Variants in FAAH2 observed in about 807,000 individuals in gnomAD.
The protein encoded by FAAH2 is fatty acid amide hydrolase 2.
A neutral mutation model predicts 36.9 loss-of-function variants in FAAH2; 60 were observed. The observed-to-expected ratio is 1.63, with a 90% CI of 1.32 to 2.02. FAAH2 has a LOEUF of 2.02. FAAH2 is among the 30% of genes most tolerant of loss of function. FAAH2 has a pLI of 0.00. For missense variants in FAAH2, 689 were observed against 397.5 expected (o/e 1.73, Z -6.23); for synonymous variants, 214 against 143.8 (o/e 1.49, Z -3.49).
intron 5 of FAAH2, among the ~76,000 whole-genome samples, chrX:57,371,896 G>C (rs780988537): frequency 4.5e-5 from 5 of 111,386 alleles, no homozygotes; most frequent in Admixed American, 1.9e-4. Flanking sequence ...AAGAAGATGC[G>C]GTCTTTGGTT....
At chrX:57,155,890 T>C in the FAAH2 span, among the ~76,000 whole-genome samples, 5 of 111,740 alleles carry the variant, frequency 4.5e-5, 1 homozygote, top group Admixed American at 1.9e-4. Flanking sequence ...CTCGGCTCTA[T>C]AAATTTACTC....
chrX:57,235,806 G>T, the FAAH2 span, among the ~76,000 whole-genome samples: 1 of 112,517 alleles, frequency 8.9e-6, no homozygotes, highest in Admixed American at 9.4e-5. Flanking sequence ...AGTGTTGTTA[G>T]CATGCCCATC....
At chrX:57,470,864 G>T (rs373952005) in intron 10 of FAAH2, among the ~76,000 whole-genome samples, 3 of 111,287 alleles carry the variant, frequency 2.7e-5, no homozygotes, top group South Asian at 3.8e-4. Context: ...CTGGCAAACC[G>T]AATCCAGCAG....
rs1038574638 is a variant in FAAH2, at chrX:57,387,492, C to G, written c.996+6463C>G. ...AGTAGAATGAGGAAAACAGAGAAGA[C>G]AAACAGAAAATCCTACAAAATGCCT... On this transcript the variant is annotated intron_variant, in intron 7 of 10. Transcript: ENST00000374900. Among the ~76,000 whole-genome samples the G allele has an allele frequency of 2.7e-5, 3 of 111,093 alleles. No individual in the cohort carries two copies. The South Asian group carries it at 1.1e-3, about 42-fold the overall frequency.
intron 4 of FAAH2, among the ~76,000 whole-genome samples, chrX:57,340,518 A>G (rs1345397216): frequency 8.9e-6 from 1 of 112,174 alleles, no homozygotes; most frequent in Non-Finnish European, 1.9e-5. Flanking sequence ...ACTATTCACA[A>G]TAGCAAAGAC....
rs760521541 is a variant in FAAH2, at chrX:57,331,694, C to T, written c.509C>T (p.Pro170Leu). 8 of 1,209,474 alleles carry T rather than the reference C, an allele frequency of 6.6e-6. No individual in the cohort carries two copies. The highest frequency in any genetic ancestry group is 2.2e-5 in the Admixed American group (1 of 45,697). Residue 170 changes from proline to leucine, a missense_variant, in exon 4 of 11, where the codon CCT becomes CTT. Transcript: ENST00000374900. ...TTACTGAAGGGAGCTGGTGCCATTC[C>T]TCTTGGCATAACCAACTGTAGTGAG... ...VALLKGAGAI[P>L]LGITNCSELC...
intron 4 of FAAH2, among the ~76,000 whole-genome samples, chrX:57,336,797 A>G (rs1453534781): frequency 9.0e-6 from 1 of 111,395 alleles, no homozygotes; most frequent in Non-Finnish European, 1.9e-5. Context: ...AAAAGCTAGA[A>G]AGGTCTAAAA....
At chrX:57,407,321 TG>T (rs1346828171) in intron 7 of FAAH2, among the ~76,000 whole-genome samples, 1 of 112,017 alleles carries the variant, frequency 8.9e-6, no homozygotes, top group African/African-American at 3.2e-5. Context: ...TGAGGAATCA[TG>T]TGAGTACAAC....
intron 10 of FAAH2, among the ~76,000 whole-genome samples, chrX:57,478,916 T>C (rs1456525661): frequency 9.0e-6 from 1 of 111,701 alleles, no homozygotes; most frequent in African/African-American, 3.3e-5. Flanking sequence ...TGAAGTCAGG[T>C]AGCATGATGC....
At chrX:57,393,130 G>A (rs878988898) in intron 7 of FAAH2, 2 of 1,042,618 alleles carry the variant, frequency 1.9e-6, no homozygotes, top group South Asian at 1.9e-5. Context: ...CTCTGGAAAG[G>A]CAGCCGATGA....
chrX:57,294,487 C>T (rs2052075008), intron 2 of FAAH2, among the ~76,000 whole-genome samples: 1 of 112,021 alleles, frequency 8.9e-6, no homozygotes, highest in Non-Finnish European at 1.9e-5. Flanking sequence ...TACCCCTAGA[C>T]TCTACCTTCT....
At chrX:57,243,522 C>T in the FAAH2 span, among the ~76,000 whole-genome samples, 2 of 111,818 alleles carry the variant, frequency 1.8e-5, no homozygotes, top group Admixed American at 9.4e-5. Context: ...TGGAGGGTGC[C>T]CCTCTGGGAT....
the FAAH2 span, among the ~76,000 whole-genome samples, chrX:57,215,364 G>A: frequency 8.9e-6 from 1 of 111,868 alleles, no homozygotes; most frequent in Non-Finnish European, 1.9e-5. Flanking sequence ...TACACTGTTG[G>A]TGGGAATGTA....
intron 8 of FAAH2, among the ~76,000 whole-genome samples, chrX:57,444,135 A>G: frequency 8.9e-6 from 1 of 112,227 alleles, no homozygotes; most frequent in Non-Finnish European, 1.9e-5. Flanking sequence ...CTCTCTTCAA[A>G]GCTGTCAGAC....
the FAAH2 span, among the ~76,000 whole-genome samples, chrX:57,238,715 G>A: frequency 8.9e-6 from 1 of 111,894 alleles, no homozygotes; most frequent in East Asian, 2.8e-4. Flanking sequence ...CAAATTGCAC[G>A]TCAGGCTTTG....
chrX:57,399,677 G>A (rs963471359), intron 7 of FAAH2, among the ~76,000 whole-genome samples: 7 of 112,078 alleles, frequency 6.2e-5, no homozygotes, highest in East Asian at 2.8e-4. Context: ...TTTCTGTGCA[G>A]CCAATAATAA....
intron 10 of FAAH2, among the ~76,000 whole-genome samples, chrX:57,457,560 TAA>T (rs1273111697): frequency 9.0e-6 from 1 of 110,851 alleles, no homozygotes; most frequent in African/African-American, 3.3e-5. Flanking sequence ...AAGACTCTGC[TAA>T]GTCTCCTGGA....
At chrX:57,462,099 G>A (rs1339108939) in intron 10 of FAAH2, among the ~76,000 whole-genome samples, 2 of 100,971 alleles carry the variant, frequency 2.0e-5, no homozygotes, top group Non-Finnish European at 3.9e-5. Flanking sequence ...GCTAAACCAG[G>A]AGGAAGTCAC....
At chrX:57,221,242 A>T in the FAAH2 span, among the ~76,000 whole-genome samples, 1 of 110,800 alleles carries the variant, frequency 9.0e-6, no homozygotes, top group Non-Finnish European at 1.9e-5. Flanking sequence ...CCACTTCCAC[A>T]TTCCCCATAG....
Sources: gnomAD v4.1 joint callset for allele counts (sites outside exome capture counted in the v4.1 genomes callset) on GRCh38, gnomAD v4.1.1 for gene constraint, MANE v1.5 for transcripts, NCBI Gene and HGNC (gene_info 2026-07-23, HGNC 2026-07-21) for gene names.